Variants in SIPA1L1 observed in about 807,000 individuals in gnomAD.
SIPA1L1 encodes the protein signal induced proliferation associated 1 like 1, also known as signal-induced proliferation-associated 1-like protein 1.
SIPA1L1 carries 26 observed loss-of-function variants against 162.7 expected under a neutral mutation model. The ratio of observed to expected loss-of-function variants is 0.16; its 90% CI spans 0.12 to 0.22. The LOEUF (loss-of-function observed/expected upper bound fraction) is 0.22. Ranked by LOEUF, SIPA1L1 falls within the 10% of genes least tolerant of loss-of-function variation. SIPA1L1 has a pLI of 1.00. For missense variants in SIPA1L1, 1,874 were observed against 2,241.0 expected (o/e 0.84, Z 3.31); for synonymous variants, 829 against 837.4 (o/e 0.99, Z 0.17).
intron 5 of SIPA1L1, among the ~76,000 whole-genome samples, chr14:71,613,168 GA>G (rs1024524318): frequency 2.6e-5 from 4 of 151,944 alleles, no homozygotes; most frequent in African/African-American, 9.7e-5. Flanking sequence ...TTTATTTAAT[GA>G]TTTTTTTATT....
intron 2 of SIPA1L1, among the ~76,000 whole-genome samples, chr14:71,366,574 C>T (rs1225325025): frequency 6.6e-6 from 1 of 152,156 alleles, no homozygotes; most frequent in Non-Finnish European, 1.5e-5. Context: ...GCTGGGACTA[C>T]AGGCGCCCGC....
At chr14:71,622,473 A>T (rs528620804) in intron 6 of SIPA1L1, among the ~76,000 whole-genome samples, 62 of 152,266 alleles carry the variant, frequency 4.1e-4, no homozygotes, top group African/African-American at 1.5e-3. Context: ...CTCAGGATGC[A>T]ATGGCTTGAA....
chr14:71,718,458 G>A (rs2083433222), intron 17 of SIPA1L1, among the ~76,000 whole-genome samples: 1 of 152,166 alleles, frequency 6.6e-6, no homozygotes, highest in African/African-American at 2.4e-5. Flanking sequence ...CAAGGATCGG[G>A]GTTGATCTTA....
intron 14 of SIPA1L1, among the ~76,000 whole-genome samples, chr14:71,701,803 C>G (rs1051146868): frequency 6.6e-6 from 1 of 152,124 alleles, no homozygotes; most frequent in African/African-American, 2.4e-5. Context: ...TCCAAATTGC[C>G]CTTCCCAAAG....
intron 5 of SIPA1L1, among the ~76,000 whole-genome samples, chr14:71,604,484 T>C (rs1030343707): frequency 2.0e-5 from 3 of 152,080 alleles, no homozygotes; most frequent in African/African-American, 7.2e-5. Context: ...TTTGTGTGTT[T>C]TCATGTTGGT....
chr14:71,703,243 C>T (rs1435119875), intron 15 of SIPA1L1, among the ~76,000 whole-genome samples: 2 of 152,162 alleles, frequency 1.3e-5, no homozygotes, highest in Non-Finnish European at 2.9e-5. Context: ...TGGATTTTTT[C>T]CTCCTTTGTT....
intron 3 of SIPA1L1, among the ~76,000 whole-genome samples, chr14:71,521,957 A>G (rs1248853525): frequency 6.6e-6 from 1 of 152,148 alleles, no homozygotes; most frequent in Non-Finnish European, 1.5e-5. Context: ...TGGTATCGCC[A>G]TTCATCTGCT....
At chr14:71,323,236 A>T (rs908991651) in intron 2 of SIPA1L1, among the ~76,000 whole-genome samples, 1 of 152,190 alleles carries the variant, frequency 6.6e-6, no homozygotes, top group African/African-American at 2.4e-5. Flanking sequence ...AGTTTTGTAG[A>T]CTTCGGGGGG....
At chr14:71,432,804 C>T (rs898271061) in intron 2 of SIPA1L1, among the ~76,000 whole-genome samples, 1 of 152,166 alleles carries the variant, frequency 6.6e-6, no homozygotes, top group African/African-American at 2.4e-5. Flanking sequence ...TTTCATAGTA[C>T]TGAATAAATC....
chr14:71,510,177 C>CTTTTTTT lies in SIPA1L1; in HGVS notation c.-464-2548_-464-2542dup, dbSNP rs985233367. 2.8e-3 allele frequency among the ~76,000 whole-genome samples: 214 copies of CTTTTTTT among 77,484 alleles called. 1 individual carries two copies. Among genetic ancestry groups the CTTTTTTT allele is most frequent in the Middle Eastern group, 0.013 (1 of 78 alleles). The allele number at this position is 77,484 out of a possible 152,430, so 50.8% of individuals were successfully genotyped here. A position where few individuals can be genotyped will look rare whatever the true frequency, so the allele number is the denominator to read the frequency against. On this transcript the variant is annotated intron_variant, in intron 2 of 23. Transcript: ENST00000381232. ...GCTAGTTCCCCTTAATCCCCCCCAC[C>CTTTTTTT]TTTTTTTTTTTTTTTTTTTTTTTTG... is the stretch of plus-strand genomic sequence containing the variant.
intron 2 of SIPA1L1, among the ~76,000 whole-genome samples, chr14:71,484,760 T>C (rs1319259931): frequency 6.6e-6 from 1 of 152,200 alleles, no homozygotes; most frequent in African/African-American, 2.4e-5. Context: ...AGTAGGCTTA[T>C]TGTTAGTTTG....
At chr14:71,523,711 A>T (rs192162052) in intron 3 of SIPA1L1, among the ~76,000 whole-genome samples, 3 of 152,300 alleles carry the variant, frequency 2.0e-5, no homozygotes, top group Non-Finnish European at 2.9e-5. Flanking sequence ...AAATTTTCCT[A>T]TAAGAAAGAG....
intron 2 of SIPA1L1, among the ~76,000 whole-genome samples, chr14:71,404,061 T>G (rs1461762379): frequency 7.9e-6 from 1 of 126,332 alleles, no homozygotes; most frequent in Non-Finnish European, 1.6e-5. Flanking sequence ...TACTTAAAAT[T>G]TATAGTTTCA....
intron 14 of SIPA1L1, among the ~76,000 whole-genome samples, chr14:71,700,949 T>C (rs1034397072): frequency 8.0e-6 from 1 of 125,456 alleles, no homozygotes; most frequent in South Asian, 2.4e-4. Context: ...AGCCCGAGAT[T>C]GCGCCACTGC....
In SIPA1L1 at chr14:71,587,868, A is replaced by C. The variant is rs200574387; in HGVS notation, c.-5A>C. 19 of 1,595,922 alleles carry C rather than the reference A, an allele frequency of 1.2e-5. No individual in the cohort carries two copies. Among genetic ancestry groups the C allele is most frequent in the Non-Finnish European group, 1.5e-5 (18 of 1,165,414 alleles). ...CAGGGATTTAAGTCTACTTGCTTTT[A>C]CATCATGACCAGCTTGAAACGGTCA... On this transcript the variant is annotated 5_prime_UTR_variant, in exon 5 of 24. Coordinates refer to ENST00000381232, the MANE Select transcript of SIPA1L1 (RefSeq NM_001386936.1).
intron 12 of SIPA1L1, among the ~76,000 whole-genome samples, chr14:71,684,359 A>T (rs1195329249): frequency 6.6e-6 from 1 of 152,186 alleles, no homozygotes; most frequent in Non-Finnish European, 1.5e-5. Flanking sequence ...CCAGCCAACT[A>T]TGTAAACCCT....
chr14:71,705,686 T>C (rs1375758533), intron 16 of SIPA1L1, among the ~76,000 whole-genome samples: 4 of 151,856 alleles, frequency 2.6e-5, no homozygotes, highest in Non-Finnish European at 5.9e-5. Context: ...TCAGTCCTGC[T>C]CCAGCCATGA....
intron 4 of SIPA1L1, among the ~76,000 whole-genome samples, chr14:71,566,292 G>C: frequency 6.6e-6 from 1 of 152,126 alleles, no homozygotes; most frequent in East Asian, 1.9e-4. Context: ...TAAATAAATA[G>C]GAGCTGTATA....
At position 71,388,566 on chromosome 14, in the gene SIPA1L1, T is replaced by G. The variant is rs186396837; in HGVS notation, c.-465+67385T>G. Among the ~76,000 whole-genome samples the G allele has an allele frequency of 3.0e-4, 45 of 152,338 alleles. No homozygotes were observed. In the East Asian group the frequency reaches 6.9e-3, roughly 23 times the overall value. On this transcript the variant is annotated intron_variant, in intron 2 of 23. Coordinates refer to ENST00000381232, the MANE Select transcript of SIPA1L1 (RefSeq NM_001386936.1). ...CAAATTCCAGACTCTAGAGGCACTTTGTTGGCCCACACGTCACACGTGCTC... is the reference window on the plus strand; with the variant it reads ...CAAATTCCAGACTCTAGAGGCACTTGGTTGGCCCACACGTCACACGTGCTC...
Sources: allele counts gnomAD v4.1 joint callset (sites outside exome capture counted in the v4.1 genomes callset), GRCh38; gene constraint gnomAD v4.1.1; transcripts MANE v1.5; gene names NCBI Gene and HGNC (gene_info 2026-07-23, HGNC 2026-07-21).